The following DRC8 variants were observed in gnomAD, a reference collection of about 807,000 sequenced individuals.
DRC8 encodes the protein dynein regulatory complex subunit 8, also known as dynein regulatory complex protein 8.
At chr1:245,093,998 A>G in the DRC8 span, among the ~76,000 whole-genome samples, 557 of 152,332 alleles carry the variant, frequency 3.7e-3, no homozygotes, top group African/African-American at 0.012. Flanking sequence ...CTTTAAATAC[A>G]GCTTTTAAAC....
the DRC8 span, among the ~76,000 whole-genome samples, chr1:245,096,099 G>T: frequency 6.6e-6 from 1 of 152,168 alleles, no homozygotes; most frequent in East Asian, 1.9e-4. Context: ...CTCACAGATT[G>T]TTTTTTCAGA....
chr1:245,093,337 G>A, the DRC8 span, among the ~76,000 whole-genome samples: 50 of 152,020 alleles, frequency 3.3e-4, no homozygotes, highest in Non-Finnish European at 6.5e-4. Context: ...AGAGCAGCAG[G>A]AATTATTTAC....
the DRC8 span, chr1:245,015,762 A>G: frequency 7.4e-6 from 2 of 270,576 alleles, no homozygotes; most frequent in Non-Finnish European, 1.5e-5. Flanking sequence ...GACATTTCTC[A>G]CCACCTTCAC....
chr1:245,033,095 C>T, the DRC8 span, among the ~76,000 whole-genome samples: 7 of 152,138 alleles, frequency 4.6e-5, no homozygotes, highest in African/African-American at 1.4e-4. Context: ...AGCTTCAGAG[C>T]GGCCTCACAG....
the DRC8 span, among the ~76,000 whole-genome samples, chr1:245,078,623 T>C: frequency 6.6e-6 from 1 of 152,008 alleles, no homozygotes; most frequent in East Asian, 1.9e-4. Flanking sequence ...TTTTCAAAAG[T>C]CAAACTCATG....
chr1:245,093,371 T>G, the DRC8 span, among the ~76,000 whole-genome samples: 11 of 151,898 alleles, frequency 7.2e-5, no homozygotes, highest in Admixed American at 6.6e-5. Flanking sequence ...GAAAACACTC[T>G]TAATCATTTG....
the DRC8 span, among the ~76,000 whole-genome samples, chr1:245,031,998 G>A: frequency 5.3e-5 from 8 of 152,184 alleles, no homozygotes; most frequent in Non-Finnish European, 1.0e-4. Flanking sequence ...AGTAACTAGT[G>A]ATACCACTTT....
the DRC8 span, among the ~76,000 whole-genome samples, chr1:244,999,058 C>CAA: frequency 0.16 from 13,448 of 83,428 alleles, 847 homozygotes; most frequent in South Asian, 0.2. Context: ...GATCCTGGGT[C>CAA]AAAAAAAAAA....
chr1:245,087,547 A>C, the DRC8 span: 1 of 1,222,524 alleles, frequency 8.2e-7, no homozygotes, highest in Non-Finnish European at 1.0e-6. Context: ...CTAGCCTTAC[A>C]GAATGATAAA....
chr1:244,992,290 TGAAG>T, the DRC8 span, among the ~76,000 whole-genome samples: 1 of 152,152 alleles, frequency 6.6e-6, no homozygotes, highest in African/African-American at 2.4e-5. Context: ...GTGTGTTTAG[TGAAG>T]GAAAGTTTTT....
chr1:245,111,692 G>T, the DRC8 span, among the ~76,000 whole-genome samples: 1 of 152,164 alleles, frequency 6.6e-6, no homozygotes, highest in African/African-American at 2.4e-5. Flanking sequence ...AGTTTAAGGG[G>T]TCCAGGGGTA....
chr1:245,120,741 A>T, the DRC8 span, among the ~76,000 whole-genome samples: 2 of 152,252 alleles, frequency 1.3e-5, no homozygotes, highest in Admixed American at 1.3e-4. Context: ...GACACCTGTC[A>T]CTTCGCACCT....
chr1:245,035,551 C>A, the DRC8 span, among the ~76,000 whole-genome samples: 1 of 152,254 alleles, frequency 6.6e-6, no homozygotes, highest in South Asian at 2.1e-4. Context: ...CTACCACACA[C>A]CATATATGAA....
chr1:245,046,962 G>C, the DRC8 span, among the ~76,000 whole-genome samples: 1 of 152,198 alleles, frequency 6.6e-6, no homozygotes, highest in African/African-American at 2.4e-5. Flanking sequence ...GGGAGCCGCT[G>C]CTCCGTTTTA....
At chr1:244,990,217 A>G in the DRC8 span, among the ~76,000 whole-genome samples, 7 of 152,234 alleles carry the variant, frequency 4.6e-5, no homozygotes, top group South Asian at 2.1e-4. Flanking sequence ...CGTCTCACAT[A>G]TGACAAGACG....
the DRC8 span, among the ~76,000 whole-genome samples, chr1:245,110,148 G>A: frequency 2.0e-5 from 3 of 151,982 alleles, no homozygotes; most frequent in East Asian, 3.9e-4. Context: ...TTTGGGAGGC[G>A]GAGGCAGGCG....
At chr1:244,998,253 G>C in the DRC8 span, among the ~76,000 whole-genome samples, 1 of 151,798 alleles carries the variant, frequency 6.6e-6, no homozygotes, top group Non-Finnish European at 1.5e-5. Context: ...TTGTTCTCCA[G>C]GCTGGAGTAC....
the DRC8 span, among the ~76,000 whole-genome samples, chr1:245,050,380 G>A: frequency 1.3e-5 from 2 of 152,040 alleles, no homozygotes; most frequent in East Asian, 1.9e-4. Flanking sequence ...GATAACAGGC[G>A]TGACCCACCG....
the DRC8 span, among the ~76,000 whole-genome samples, chr1:244,978,969 G>C: frequency 6.7e-6 from 1 of 148,438 alleles, no homozygotes; most frequent in Admixed American, 6.6e-5. Context: ...AGGAGACAAT[G>C]ATACAATAAT....
Sources: gnomAD v4.1 joint callset for allele counts (sites outside exome capture counted in the v4.1 genomes callset) on GRCh38, gnomAD v4.1.1 for gene constraint, MANE v1.5 for transcripts, NCBI Gene and HGNC (gene_info 2026-07-23, HGNC 2026-07-21) for gene names.